KAT6B: variants seen among roughly 807,000 people sequenced by gnomAD.
The protein encoded by KAT6B is histone acetyltransferase KAT6B.
Under a neutral mutation model 187.5 loss-of-function variants are expected in KAT6B, and 10 were observed. The ratio of observed to expected loss-of-function variants is 0.05; its 90% CI spans 0.03 to 0.09. The LOEUF is 0.09. Ranked by LOEUF, KAT6B falls within the 10% of genes least tolerant of loss-of-function variation. The pLI is 1.00. For missense variants in KAT6B, 1,952 were observed against 2,558.9 expected (o/e 0.76, Z 5.12); for synonymous variants, 861 against 926.8 (o/e 0.93, Z 1.29).
intron 3 of KAT6B, among the ~76,000 whole-genome samples, chr10:74,900,948 A>G (rs1846343961): frequency 6.6e-6 from 1 of 152,238 alleles, no homozygotes; most frequent in African/African-American, 2.4e-5. Context: ...ATACTCCATG[A>G]AAGTATATAT....
chr10:74,993,533 A>C (rs1027953958), intron 13 of KAT6B, among the ~76,000 whole-genome samples: 3 of 152,230 alleles, frequency 2.0e-5, no homozygotes, highest in African/African-American at 7.2e-5. Flanking sequence ...ACAAATTATT[A>C]AAATCAAGAT....
intron 13 of KAT6B, among the ~76,000 whole-genome samples, chr10:74,990,196 CAAAAAAAAAAAAAAAAA>C (rs56300641): frequency 5.1e-5 from 2 of 39,406 alleles, no homozygotes; most frequent in Admixed American, 4.2e-4. Flanking sequence ...GACTCTGTCT[CAAAAAAAAAAAAAAAAA>C]AAAAAAAAAA....
intron 17 of KAT6B, chr10:75,026,029 G>A (rs1026288867): frequency 1.3e-5 from 2 of 151,600 alleles, no homozygotes; most frequent in African/African-American, 4.9e-5. Flanking sequence ...CAGTGGTGGT[G>A]TGTGCCTATA....
At chr10:74,981,287 CT>C (rs1235643200) in intron 10 of KAT6B, among the ~76,000 whole-genome samples, 1 of 151,536 alleles carries the variant, frequency 6.6e-6, no homozygotes, top group African/African-American at 2.4e-5. Context: ...TTACTATTGG[CT>C]GGCTTTCTTT....
chr10:74,932,599 C>T (rs1477129059), intron 3 of KAT6B, among the ~76,000 whole-genome samples: 1 of 152,112 alleles, frequency 6.6e-6, no homozygotes, highest in Non-Finnish European at 1.5e-5. Context: ...CAGATTTCTG[C>T]TAAATGGGAA....
At chr10:74,923,528 G>C (rs1347180665) in intron 3 of KAT6B, among the ~76,000 whole-genome samples, 2 of 152,180 alleles carry the variant, frequency 1.3e-5, no homozygotes, top group Non-Finnish European at 2.9e-5. Flanking sequence ...TAAATAGTTT[G>C]ATGAGGAAAG....
intron 3 of KAT6B, among the ~76,000 whole-genome samples, chr10:74,958,894 C>T (rs1000965708): frequency 6.6e-6 from 1 of 151,668 alleles, no homozygotes; most frequent in Non-Finnish European, 1.5e-5. Context: ...AAAAATTAGC[C>T]GGGTTTGGTG....
chr10:74,848,318 C>T (rs996501559), intron 3 of KAT6B, among the ~76,000 whole-genome samples: 3 of 152,150 alleles, frequency 2.0e-5, no homozygotes, highest in Admixed American at 2.0e-4. Context: ...CAGCCCAACA[C>T]AAATTCGTAA....
chr10:75,009,987 G>A (rs977852447), intron 13 of KAT6B, among the ~76,000 whole-genome samples: 9 of 152,184 alleles, frequency 5.9e-5, no homozygotes, highest in Admixed American at 1.3e-4. Context: ...GGCAACAAGA[G>A]TGAAACTCCA....
chr10:74,916,601 G>A (rs1267583978), intron 3 of KAT6B, among the ~76,000 whole-genome samples: 1 of 152,064 alleles, frequency 6.6e-6, no homozygotes, highest in African/African-American at 2.4e-5. Context: ...TTGACTGTAC[G>A]GGCCATAGAC....
chr10:74,956,790 C>T (rs2133474171), intron 3 of KAT6B, among the ~76,000 whole-genome samples: 1 of 152,316 alleles, frequency 6.6e-6, no homozygotes, highest in South Asian at 2.1e-4. Flanking sequence ...GCCCCAGGGC[C>T]ATTGCATGGG....
At chr10:74,947,232 G>T (rs1294155341) in intron 3 of KAT6B, among the ~76,000 whole-genome samples, 2 of 152,128 alleles carry the variant, frequency 1.3e-5, no homozygotes, top group African/African-American at 4.8e-5. Flanking sequence ...CAAGTGATCT[G>T]CCCGCCTTGG....
intron 3 of KAT6B, among the ~76,000 whole-genome samples, chr10:74,943,580 TA>T (rs1456362682): frequency 1.6e-4 from 24 of 152,168 alleles, no homozygotes; most frequent in African/African-American, 4.3e-4. Flanking sequence ...GATCCTGGAA[TA>T]ACTGGTTATA....
intron 3 of KAT6B, among the ~76,000 whole-genome samples, chr10:74,939,147 T>A (rs548358347): frequency 1.3e-5 from 2 of 152,270 alleles, no homozygotes; most frequent in East Asian, 3.9e-4. Flanking sequence ...ATGCTGATCC[T>A]GCAAGATCAC....
At chr10:74,941,196 T>C (rs529237034) in intron 3 of KAT6B, among the ~76,000 whole-genome samples, 2 of 152,314 alleles carry the variant, frequency 1.3e-5, no homozygotes, top group South Asian at 4.1e-4. Context: ...AGGAGTGATG[T>C]GCATGTGGCA....
chr10:74,985,355 T>C, intron 12 of KAT6B, 114 bp downstream of exon 12: 1 of 1,071,330 alleles, frequency 9.3e-7, no homozygotes, highest in Non-Finnish European at 1.4e-6. Context: ...GACATGTGTT[T>C]TTGAAAAGCT....
intron 3 of KAT6B, among the ~76,000 whole-genome samples, chr10:74,890,123 C>T (rs1179125396): frequency 2.0e-5 from 3 of 151,938 alleles, no homozygotes; most frequent in Non-Finnish European, 4.4e-5. Context: ...ACCACAACCT[C>T]TGCCTCCTGA....
chr10:74,925,174 G>T (rs1028433338), intron 3 of KAT6B, among the ~76,000 whole-genome samples: 4 of 152,218 alleles, frequency 2.6e-5, no homozygotes, highest in African/African-American at 9.6e-5. Flanking sequence ...CCAATTAGCT[G>T]GGATTACAGG....
chr10:74,861,653 C>T (rs1227562982), intron 3 of KAT6B, among the ~76,000 whole-genome samples: 1 of 152,194 alleles, frequency 6.6e-6, no homozygotes, highest in Non-Finnish European at 1.5e-5. Flanking sequence ...TACTACATTA[C>T]CTCTCATTTT....
Sources: allele counts gnomAD v4.1 joint callset (sites outside exome capture counted in the v4.1 genomes callset), GRCh38; gene constraint gnomAD v4.1.1; transcripts MANE v1.5; gene names NCBI Gene and HGNC (gene_info 2026-07-23, HGNC 2026-07-21).